NUCB2: variants seen among roughly 807,000 people sequenced by gnomAD.
The protein encoded by NUCB2 is nucleobindin-2.
A neutral mutation model predicts 57.9 loss-of-function variants in NUCB2; 48 were observed. The observed-to-expected ratio is 0.83, with a 90% confidence interval of 0.66 to 1.05. The LOEUF is 1.05. NUCB2 is among the 50% of genes least tolerant of loss of function. The pLI, the probability that NUCB2 is intolerant of heterozygous loss-of-function variation, is 0.00. For missense variants in NUCB2, 442 were observed against 476.2 expected, an observed-to-expected ratio of 0.93 and a Z score of 0.67; for synonymous variants, 139 against 152.1, an observed-to-expected ratio of 0.91 and a Z score of 0.64.
At chr11:17,309,483 A>G in intron 5 of NUCB2, 89 bp from the exon 6 acceptor site, 1 of 758,318 alleles carries the variant, frequency 1.3e-6, no homozygotes, top group Non-Finnish European at 2.1e-6. Context: ...ATCCTATAGG[A>G]ATAAATATGA....
chr11:17,281,113 G>T (rs896094587), intron 1 of NUCB2, among the ~76,000 whole-genome samples: 1 of 151,936 alleles, frequency 6.6e-6, no homozygotes, highest in Admixed American at 6.6e-5. Flanking sequence ...TTTTTGTGTC[G>T]TTAATTTTTA....
chr11:17,278,174 T>C (rs1941747899), intron 1 of NUCB2, among the ~76,000 whole-genome samples: 1 of 139,522 alleles, frequency 7.2e-6, no homozygotes, highest in Non-Finnish European at 1.6e-5. Context: ...ACCCATCTTT[T>C]TTTTTTTTTT....
At chr11:17,298,698 T>C (rs1946235217) in intron 4 of NUCB2, among the ~76,000 whole-genome samples, 1 of 151,536 alleles carries the variant, frequency 6.6e-6, no homozygotes, top group Non-Finnish European at 1.5e-5. Flanking sequence ...ATTTTCTCTT[T>C]CCTTTTTTTT....
chr11:17,323,908 G>A lies in NUCB2; in HGVS notation c.1003-6219G>A, dbSNP rs189011616. On this transcript the variant is annotated intron_variant, in intron 11 of 13. Coordinates refer to ENST00000529010, the MANE Select transcript of NUCB2 (RefSeq NM_005013.4). ...GATCCATTGAATTTCTGCAGTACCAGTTGTAATGTCTCCTTTTTCATCTCT... is the reference window on the plus strand; with the variant it reads ...GATCCATTGAATTTCTGCAGTACCAATTGTAATGTCTCCTTTTTCATCTCT... 2.3e-4 allele frequency among the ~76,000 whole-genome samples: 35 copies of A among 152,256 alleles called. No homozygotes were observed. The East Asian group carries it at 6.6e-3, about 29-fold the overall frequency.
chr11:17,335,162 T>C (rs780322942), downstream of NUCB2, among the ~76,000 whole-genome samples: 41 of 152,234 alleles, frequency 2.7e-4, no homozygotes, highest in Non-Finnish European at 5.6e-4. Context: ...TTATAAGCAA[T>C]AGAATATCTC....
At chr11:17,296,313 G>T (rs996476771) in intron 4 of NUCB2, 102 bp downstream of exon 4, 1 of 534,024 alleles carries the variant, frequency 1.9e-6, no homozygotes, top group Non-Finnish European at 3.1e-6. Context: ...GAGCTCCTGG[G>T]CTCTAGTGAT....
At chr11:17,314,724 C>T (rs1350241372) in intron 10 of NUCB2, among the ~76,000 whole-genome samples, 1 of 152,190 alleles carries the variant, frequency 6.6e-6, no homozygotes, top group Non-Finnish European at 1.5e-5. Flanking sequence ...GTAACTGAAT[C>T]CCACTATTTT....
chr11:17,329,478 G>C (rs1486724118), intron 11 of NUCB2, among the ~76,000 whole-genome samples: 1 of 152,252 alleles, frequency 6.6e-6, no homozygotes, highest in Non-Finnish European at 1.5e-5. Context: ...TGGGATGGGT[G>C]ATTCTCCTCT....
intron 1 of NUCB2, among the ~76,000 whole-genome samples, chr11:17,282,246 A>C (rs2035687): frequency 0.36 from 39,676 of 108,958 alleles, 7,419 homozygotes; most frequent in Middle Eastern, 0.45. Context: ...CTATATATAT[A>C]TATATATATA....
rs914014957 is a variant in NUCB2, at chr11:17,313,921, C to T, written c.913-1465C>T. On this transcript the variant is annotated intron_variant, in intron 10 of 13. Transcript: ENST00000529010. ...CCATGTCTCTATATATGCTCTATAT[C>T]TGCATGTATGCTGGTGAGTTCAACA... Among the ~76,000 whole-genome samples, 195 of 152,270 alleles carry T rather than the reference C, an allele frequency of 1.3e-3. 1 individual carries two copies. Among genetic ancestry groups the T allele is most frequent in the African/African-American group, 4.5e-3 (188 of 41,556 alleles).
chr11:17,287,684 A>C (rs1338503871), intron 2 of NUCB2, among the ~76,000 whole-genome samples: 1 of 151,270 alleles, frequency 6.6e-6, no homozygotes. Flanking sequence ...AAAAAAAAAA[A>C]AAAAAAAAGA....
At chr11:17,331,032 C>A in intron 13 of NUCB2, 49 bp downstream of exon 13, 1 of 1,086,938 alleles carries the variant, frequency 9.2e-7, no homozygotes, top group South Asian at 1.4e-5. Context: ...ATTATTTTAT[C>A]AATTGAAATC....
intron 2 of NUCB2, among the ~76,000 whole-genome samples, chr11:17,343,558 C>T (rs189521255): frequency 4.0e-5 from 6 of 151,850 alleles, no homozygotes; most frequent in African/African-American, 1.2e-4. Flanking sequence ...TCCATGCTGT[C>T]CTCCATTGTT....
intron 2 of NUCB2, among the ~76,000 whole-genome samples, chr11:17,340,120 T>C (rs1952131348): frequency 6.6e-6 from 1 of 152,260 alleles, no homozygotes; most frequent in African/African-American, 2.4e-5. Flanking sequence ...TGAGCATTTG[T>C]TCATGTGTCT....
At chr11:17,280,761 C>T (rs12794099) in intron 1 of NUCB2, among the ~76,000 whole-genome samples, 10,467 of 152,204 alleles carry the variant, frequency 0.069, 635 homozygotes, top group Non-Finnish European at 0.1. Flanking sequence ...ACTGTAAGAC[C>T]GGGCATGATG....
rs555886851 is a variant in NUCB2, at chr11:17,312,030, G to A, written c.822G>A (p.Leu274=). ...TCATTTAAAATTTTTCTTTTTAGTT[G>A]GAGAAAGTATATGACCCTAAAAATG... ...QELEALFTKE[L]EKVYDPKNEE... The change falls in exon 10 of 14, where the codon TTG becomes TTA. Residue 274 remains leucine, a splice_region_variant and synonymous_variant. Transcript: ENST00000529010. The A allele has an allele frequency of 1.0e-5, 16 of 1,572,506 alleles. No homozygotes were observed. Among genetic ancestry groups the A allele is most frequent in the Admixed American group, 3.9e-5 (2 of 50,774 alleles).
chr11:17,320,406 A>C (rs1268293522), intron 11 of NUCB2, among the ~76,000 whole-genome samples: 1 of 152,220 alleles, frequency 6.6e-6, no homozygotes, highest in Non-Finnish European at 1.5e-5. Flanking sequence ...GCAGTAGCTC[A>C]TGCCTGTAAT....
chr11:17,276,883 T>G (rs1308383409), intron 1 of NUCB2, 55 bp downstream of exon 1: 1 of 151,212 alleles, frequency 6.6e-6, no homozygotes, highest in African/African-American at 2.4e-5. Flanking sequence ...AGATTAGGGG[T>G]GGGGGAGTCC....
chr11:17,302,536 C>A (rs1186109170), intron 5 of NUCB2, among the ~76,000 whole-genome samples: 1 of 151,988 alleles, frequency 6.6e-6, no homozygotes, highest in Non-Finnish European at 1.5e-5. Flanking sequence ...CAGAAAAAAA[C>A]ACAAGATCCA....
Sources: gnomAD v4.1 joint callset for allele counts (sites outside exome capture counted in the v4.1 genomes callset) on GRCh38, gnomAD v4.1.1 for gene constraint, MANE v1.5 for transcripts, NCBI Gene and HGNC (gene_info 2026-07-23, HGNC 2026-07-21) for gene names.